RNF6: variants seen among roughly 807,000 people sequenced by gnomAD.
The protein encoded by RNF6 is ring finger protein 6.
RNF6 carries 21 observed loss-of-function variants against 50.1 expected under a neutral mutation model. The ratio of observed to expected loss-of-function variants is 0.42; its 90% CI spans 0.30 to 0.60. RNF6 has a LOEUF of 0.60. Ranked by LOEUF, RNF6 falls within the 20% of genes least tolerant of loss-of-function variation. The pLI, the probability that RNF6 is intolerant of heterozygous loss-of-function variation, is 0.20. For missense variants in RNF6, 698 were observed against 838.2 expected (o/e 0.83, Z 2.07); for synonymous variants, 255 against 291.8 (o/e 0.87, Z 1.29).
intron 5 of RNF6, among the ~76,000 whole-genome samples, chr13:26,141,352 T>A (rs1465444551): frequency 6.7e-6 from 1 of 149,466 alleles, no homozygotes; most frequent in Non-Finnish European, 1.5e-5. Context: ...TGCTTGAACC[T>A]GGGAGGTGGA....
intron 5 of RNF6, among the ~76,000 whole-genome samples, chr13:26,146,985 T>A (rs1320420824): frequency 3.3e-5 from 5 of 152,180 alleles, no homozygotes; most frequent in Non-Finnish European, 7.3e-5. Context: ...GCCATGATTC[T>A]TGTACAGCCT....
downstream of RNF6, among the ~76,000 whole-genome samples, chr13:26,208,343 A>T (rs1188535377): frequency 6.6e-6 from 1 of 152,196 alleles, no homozygotes; most frequent in Non-Finnish European, 1.5e-5. Flanking sequence ...ACCAGCCCCC[A>T]GTAAAATTTT....
chr13:26,154,228 A>G (rs1566411561), intron 5 of RNF6: 2 of 152,230 alleles, frequency 1.3e-5, no homozygotes, highest in Non-Finnish European at 2.9e-5. Flanking sequence ...CTCTAAAACA[A>G]CTAGTAGAAA....
At chr13:26,138,921 A>G (rs1355218469) in intron 5 of RNF6, among the ~76,000 whole-genome samples, 1 of 152,186 alleles carries the variant, frequency 6.6e-6, no homozygotes, top group Non-Finnish European at 1.5e-5. Context: ...ATCACTTCAC[A>G]TCTGGTCAGA....
rs532717587 is a variant in RNF6 at position 26,137,121 on chromosome 13, T to C, written n.769-4670A>G. Among the ~76,000 whole-genome samples, 3 of 152,306 alleles carry C rather than the reference T, an allele frequency of 2.0e-5. No homozygotes were observed. The South Asian group carries it at 6.2e-4, about 32-fold the overall frequency. On this transcript the variant is annotated intron_variant and non_coding_transcript_variant, in intron 5 of 5. Transcript: ENST00000468480. ...TTACTGGATCTGTTTGATGGTTCTC[T>C]AGAAGACTTCCCCCTGAAAGCTTGT...
intron 5 of RNF6, among the ~76,000 whole-genome samples, chr13:26,184,012 A>ATTT (rs1873377730): frequency 3.3e-5 from 1 of 30,608 alleles, no homozygotes; most frequent in African/African-American, 1.3e-4. Flanking sequence ...ATATATATAT[A>ATTT]TATATATTTT....
intron 5 of RNF6, among the ~76,000 whole-genome samples, chr13:26,164,539 G>A (rs973303748): frequency 1.3e-5 from 2 of 151,796 alleles, no homozygotes; most frequent in East Asian, 1.9e-4. Context: ...AATCTACTAA[G>A]GTCTTTAAAA....
At chr13:26,191,597 T>C (rs1868461060) in intron 5 of RNF6, among the ~76,000 whole-genome samples, 1 of 152,180 alleles carries the variant, frequency 6.6e-6, no homozygotes, top group Non-Finnish European at 1.5e-5. Flanking sequence ...GGTTTAAAAG[T>C]GCTTGGCAGT....
chr13:26,219,393 T>C (rs1371055476), intron 3 of RNF6, 64 bp downstream of exon 3: 4 of 1,299,188 alleles, frequency 3.1e-6, no homozygotes, highest in Non-Finnish European at 3.2e-6. Context: ...CAATTCTCCT[T>C]ATCTTGAAAT....
At position 26,214,373 on chromosome 13, in the gene RNF6, C is replaced by A. The variant is rs139664667; in HGVS notation, c.1509G>T (p.Glu503Asp). 335 of 1,614,000 alleles carry A rather than the reference C, an allele frequency of 2.1e-4. 1 individual carries two copies. The highest frequency in any genetic ancestry group is 2.6e-4 in the Non-Finnish European group (301 of 1,180,052). Residue 503 changes from glutamate (E) to aspartate (D), a missense_variant, in exon 5 of 5, where the codon GAG becomes GAT. Coordinates refer to ENST00000381588, the MANE Select transcript of RNF6 (RefSeq NM_005977.4). ...GCTGGCCATTTCTTTGAAGTTCTGA[C>A]TCAGAATCGGCCTCCATTAGAGAAC... ...ELSSLMEADS[E>D]SELQRNGQHL...
chr13:26,180,710 C>T (rs2137657224), intron 5 of RNF6, among the ~76,000 whole-genome samples: 1 of 152,350 alleles, frequency 6.6e-6, no homozygotes, highest in Non-Finnish European at 1.5e-5. Context: ...CCATTGATGG[C>T]TATTGGGACG....
At chr13:26,162,962 C>T (rs1377224572) in intron 5 of RNF6, among the ~76,000 whole-genome samples, 1 of 152,134 alleles carries the variant, frequency 6.6e-6, no homozygotes, top group Non-Finnish European at 1.5e-5. Context: ...CAAATATATA[C>T]AAAGATGGAG....
intron 5 of RNF6, among the ~76,000 whole-genome samples, chr13:26,139,979 A>G (rs2137552552): frequency 6.6e-6 from 1 of 152,240 alleles, no homozygotes; most frequent in South Asian, 2.1e-4. Flanking sequence ...ATGAGCCTGT[A>G]ATGAACCTGA....
chr13:26,152,763 T>A (rs1363123521), intron 5 of RNF6, among the ~76,000 whole-genome samples: 2 of 152,166 alleles, frequency 1.3e-5, no homozygotes, highest in African/African-American at 4.8e-5. Flanking sequence ...TATAATATGT[T>A]ACATAGATCA....
chr13:26,204,762 T>C (rs926015686), intron 5 of RNF6, among the ~76,000 whole-genome samples: 2 of 152,176 alleles, frequency 1.3e-5, no homozygotes, highest in African/African-American at 4.8e-5. Context: ...AATATGACTA[T>C]TCATCTAATT....
At chr13:26,178,366 G>C (rs1873064493) in intron 5 of RNF6, among the ~76,000 whole-genome samples, 1 of 151,974 alleles carries the variant, frequency 6.6e-6, no homozygotes. Context: ...TGGTGAAACG[G>C]GAGAGGGGTC....
intron 5 of RNF6, among the ~76,000 whole-genome samples, chr13:26,143,949 C>T (rs1158967202): frequency 1.3e-5 from 2 of 152,150 alleles, no homozygotes; most frequent in Admixed American, 1.3e-4. Context: ...GCATTGTTTA[C>T]AGAGAAGGCA....
At chr13:26,220,791 A>G (rs970093135) in intron 2 of RNF6, among the ~76,000 whole-genome samples, 1 of 152,248 alleles carries the variant, frequency 6.6e-6, no homozygotes, top group African/African-American at 2.4e-5. Flanking sequence ...TGGCTAGGCT[A>G]CCAGTGAAGC....
intron 5 of RNF6, among the ~76,000 whole-genome samples, chr13:26,134,887 A>G (rs1028926665): frequency 2.6e-5 from 4 of 152,160 alleles, no homozygotes; most frequent in Non-Finnish European, 5.9e-5. Flanking sequence ...TTTCTGTATT[A>G]TTTATATTAT....
Sources: allele counts gnomAD v4.1 joint callset (sites outside exome capture counted in the v4.1 genomes callset), GRCh38; gene constraint gnomAD v4.1.1; transcripts MANE v1.5; gene names NCBI Gene and HGNC (gene_info 2026-07-23, HGNC 2026-07-21).